The following FAM227B variants were observed in gnomAD, a reference collection of about 807,000 sequenced individuals.
FAM227B encodes protein FAM227B.
A neutral mutation model predicts 73.8 loss-of-function variants in FAM227B; 88 were observed. The observed-to-expected ratio is 1.19, with a 90% confidence interval of 1.00 to 1.42. FAM227B has a LOEUF of 1.42. Among genes scored for constraint, FAM227B ranks in the 40% most tolerant of loss-of-function variants. The pLI, the probability that FAM227B is intolerant of heterozygous loss-of-function variation, is 0.00. For missense variants in FAM227B, 632 were observed against 590.9 expected, an observed-to-expected ratio of 1.07 and a Z score of -0.72; for synonymous variants, 210 against 190.5, an observed-to-expected ratio of 1.10 and a Z score of -0.84.
chr15:49,519,700 A>T (rs1237561478), intron 10 of FAM227B, among the ~76,000 whole-genome samples: 1 of 152,132 alleles, frequency 6.6e-6, no homozygotes, highest in Non-Finnish European at 1.5e-5. Context: ...CCCAGCCCAC[A>T]AAACCACTTT....
intron 11 of FAM227B, among the ~76,000 whole-genome samples, chr15:49,497,801 T>C (rs2057757199): frequency 6.6e-6 from 1 of 152,226 alleles, no homozygotes; most frequent in Non-Finnish European, 1.5e-5. Flanking sequence ...TAATTCTCAA[T>C]GGAGGCTGTG....
intron 10 of FAM227B, among the ~76,000 whole-genome samples, chr15:49,521,161 A>G (rs984942195): frequency 5.9e-5 from 9 of 152,104 alleles, no homozygotes. Flanking sequence ...CATCCAGGGA[A>G]TCTTAGCCCT....
intron 11 of FAM227B, among the ~76,000 whole-genome samples, chr15:49,478,165 C>A (rs563089536): frequency 3.9e-5 from 6 of 152,220 alleles, no homozygotes; most frequent in Middle Eastern, 6.8e-3. Flanking sequence ...GGAAAACATG[C>A]AGTATTTAGT....
At chr15:49,385,769 A>G (rs2046846277) in intron 11 of FAM227B, among the ~76,000 whole-genome samples, 1 of 151,942 alleles carries the variant, frequency 6.6e-6, no homozygotes, top group African/African-American at 2.4e-5. Flanking sequence ...CCTAACATGG[A>G]AAGATTCAAA....
At chr15:49,554,214 G>T (rs2073383381) in intron 9 of FAM227B, among the ~76,000 whole-genome samples, 1 of 152,096 alleles carries the variant, frequency 6.6e-6, no homozygotes, top group African/African-American at 2.4e-5. Context: ...CTTTCCTCTA[G>T]CAGAAGGAAG....
chr15:49,487,087 A>G (rs2056457448), intron 11 of FAM227B: 1 of 151,894 alleles, frequency 6.6e-6, no homozygotes, highest in South Asian at 2.1e-4. Context: ...TATAGCCTTT[A>G]CATTTGTACA....
intron 11 of FAM227B, among the ~76,000 whole-genome samples, chr15:49,393,131 CA>C (rs2047328706): frequency 6.6e-6 from 1 of 152,138 alleles, no homozygotes; most frequent in Non-Finnish European, 1.5e-5. Flanking sequence ...AAAGTGATAA[CA>C]AAATTTATGT....
At chr15:49,557,624 G>A (rs1015342452) in intron 9 of FAM227B, among the ~76,000 whole-genome samples, 5 of 152,148 alleles carry the variant, frequency 3.3e-5, no homozygotes, top group East Asian at 1.9e-4. Context: ...CAAGAGGAGC[G>A]AAGCCAGGCA....
chr15:49,566,823 T>G (rs544878074), intron 9 of FAM227B, among the ~76,000 whole-genome samples: 1 of 152,266 alleles, frequency 6.6e-6, no homozygotes, highest in East Asian at 1.9e-4. Flanking sequence ...AACTTCTAAT[T>G]TCTTCTTAGA....
At chr15:49,584,267 A>T (rs1295731815) in intron 5 of FAM227B, among the ~76,000 whole-genome samples, 1 of 152,208 alleles carries the variant, frequency 6.6e-6, no homozygotes, top group Non-Finnish European at 1.5e-5. Flanking sequence ...AAAAAATGAC[A>T]TGATTATCTC....
At position 49,359,520 on chromosome 15, in the gene FAM227B, A is replaced by G. The variant is rs2043800690; in HGVS notation, c.1271+7928T>C. Among the ~76,000 whole-genome samples the G allele has an allele frequency of 2.5e-5, 3 of 118,496 alleles. 1 individual carries two copies. Among genetic ancestry groups the G allele is most frequent in the African/African-American group, 9.7e-5 (3 of 30,772 alleles). 77.7% of individuals were successfully genotyped at this position (118,496 alleles called of 152,430 possible). A position where few individuals can be genotyped will look rare whatever the true frequency, so the allele number is the denominator to read the frequency against. On this transcript the variant is annotated intron_variant, in intron 13 of 15. Transcript: ENST00000299338. ...TCATCACTGGCCGTCAGAGAAATGC[A>G]AATCAAAACCACAATGAGATACCAT...
At position 49,376,484 on chromosome 15, in the gene FAM227B, A is replaced by G. The variant is rs573957529; in HGVS notation, c.1013-5085T>C. ...GTCTATTTCATTTACCTATATGTTT[A>G]CCCTTATGCCAGTACCACATTGTCT... On this transcript the variant is annotated intron_variant, in intron 11 of 15. Coordinates refer to ENST00000299338, the MANE Select transcript of FAM227B (RefSeq NM_152647.3). Among the ~76,000 whole-genome samples the G allele has an allele frequency of 2.6e-5, 4 of 152,116 alleles. No homozygotes were observed. The East Asian group carries it at 7.7e-4, about 29-fold the overall frequency.
At chr15:49,457,462 G>A (rs1346133218) in intron 11 of FAM227B, among the ~76,000 whole-genome samples, 1 of 151,814 alleles carries the variant, frequency 6.6e-6, no homozygotes, top group African/African-American at 2.4e-5. Flanking sequence ...AAAATCAAGA[G>A]GACTGAACTT....
At chr15:49,455,568 C>A (rs540770842) in intron 11 of FAM227B, among the ~76,000 whole-genome samples, 12 of 152,004 alleles carry the variant, frequency 7.9e-5, no homozygotes, top group Admixed American at 6.5e-4. Context: ...GTAGGTCCAT[C>A]GTCAGTTATA....
chr15:49,554,030 G>C (rs1405276214), intron 9 of FAM227B, among the ~76,000 whole-genome samples: 1 of 152,138 alleles, frequency 6.6e-6, no homozygotes, highest in Non-Finnish European at 1.5e-5. Flanking sequence ...TGCCAGGATT[G>C]GGCCCTTTCC....
chr15:49,613,919 A>G (rs1272566318), intron 2 of FAM227B, among the ~76,000 whole-genome samples: 1 of 152,226 alleles, frequency 6.6e-6, no homozygotes, highest in East Asian at 1.9e-4. Context: ...TGGTGCATGC[A>G]AAAGGCTTAC....
At chr15:49,515,128 T>A (rs1393622615) in intron 10 of FAM227B, among the ~76,000 whole-genome samples, 1 of 152,126 alleles carries the variant, frequency 6.6e-6, no homozygotes, top group African/African-American at 2.4e-5. Flanking sequence ...AGTTTGAGGT[T>A]GTCTTACAGG....
At chr15:49,358,930 G>A (rs1291978882) in intron 13 of FAM227B, among the ~76,000 whole-genome samples, 43 of 145,842 alleles carry the variant, frequency 2.9e-4, no homozygotes, top group Admixed American at 2.5e-3. Context: ...CAGAAATAAC[G>A]CCGCATATCT....
At chr15:49,503,977 G>C (rs1317992042) in intron 11 of FAM227B, among the ~76,000 whole-genome samples, 1 of 152,094 alleles carries the variant, frequency 6.6e-6, no homozygotes, top group East Asian at 1.9e-4. Context: ...ACATGCACAC[G>C]TATGTTTATT....
Sources: gnomAD v4.1 joint callset for allele counts (sites outside exome capture counted in the v4.1 genomes callset) on GRCh38, gnomAD v4.1.1 for gene constraint, MANE v1.5 for transcripts, NCBI Gene and HGNC (gene_info 2026-07-23, HGNC 2026-07-21) for gene names.